TRHDE: variants seen among roughly 807,000 people sequenced by gnomAD.
TRHDE encodes thyrotropin releasing hormone degrading enzyme, also known as thyrotropin-releasing hormone-degrading ectoenzyme.
A neutral mutation model predicts 125.7 loss-of-function variants in TRHDE; 72 were observed. That is an observed-to-expected ratio of 0.57 (90% confidence interval 0.47 to 0.70). The LOEUF is 0.70. TRHDE is among the 30% of genes least tolerant of loss of function. The pLI is 0.00. For missense variants in TRHDE, 1,110 were observed against 1,327.1 expected (o/e 0.84, Z 2.54); for synonymous variants, 509 against 509.1 (o/e 1.00, Z 0.00).
intron 2 of TRHDE, among the ~76,000 whole-genome samples, chr12:72,342,592 A>G (rs1318752348): frequency 1.3e-5 from 2 of 152,166 alleles, no homozygotes; most frequent in African/African-American, 4.8e-5. Context: ...GAGGTAAGCA[A>G]TGAATAAAGA....
chr12:72,111,997 A>AAAAAATT (rs1875327025), intron 2 of TRHDE, among the ~76,000 whole-genome samples: 1 of 152,144 alleles, frequency 6.6e-6, no homozygotes, highest in Admixed American at 6.6e-5. Context: ...GTATAAAGAA[A>AAAAAATT]AAAAATTAAG....
intron 2 of TRHDE, among the ~76,000 whole-genome samples, chr12:72,361,658 C>T (rs2135752186): frequency 6.7e-6 from 1 of 149,834 alleles, no homozygotes; most frequent in East Asian, 2.0e-4. Context: ...GTGTGCTGCA[C>T]CCATTAACTC....
intron 12 of TRHDE, among the ~76,000 whole-genome samples, chr12:72,586,190 C>T (rs1415297103): frequency 6.6e-6 from 1 of 152,096 alleles, no homozygotes; most frequent in Admixed American, 6.5e-5. Flanking sequence ...CATTATTTTA[C>T]ACTAGTCATA....
At chr12:72,155,465 G>A (rs939757217) in intron 2 of TRHDE, among the ~76,000 whole-genome samples, 16 of 152,092 alleles carry the variant, frequency 1.1e-4, no homozygotes, top group Non-Finnish European at 1.9e-4. Context: ...GAGGAGAGGC[G>A]CTCTGATTTT....
At chr12:72,391,369 T>C (rs892399957) in intron 3 of TRHDE, among the ~76,000 whole-genome samples, 13 of 152,320 alleles carry the variant, frequency 8.5e-5, no homozygotes, top group Admixed American at 2.0e-4. Flanking sequence ...TAGTCGTAAA[T>C]GAAGCCTTCA....
intron 7 of TRHDE, among the ~76,000 whole-genome samples, chr12:72,559,109 A>T (rs534491600): frequency 6.6e-5 from 10 of 152,296 alleles, no homozygotes; most frequent in African/African-American, 2.4e-4. Context: ...TACGGTTTTC[A>T]TGTGCTGTGC....
chr12:72,222,401 C>T lies in TRHDE; in HGVS notation n.279+116649C>T, dbSNP rs183559699. Among the ~76,000 whole-genome samples the T allele has an allele frequency of 2.7e-3, 410 of 152,194 alleles. 1 individual carries two copies. Among genetic ancestry groups the T allele is most frequent in the Non-Finnish European group, 4.8e-3 (324 of 67,992 alleles). ...CTTGGATATATCTGAGGGAAAGTCT[C>T]CTCATCTCTCTGCACTGATAACTGG... On this transcript the variant is annotated intron_variant and non_coding_transcript_variant, in intron 2 of 4. Coordinates refer to the TRHDE transcript ENST00000548156.
intron 6 of TRHDE, among the ~76,000 whole-genome samples, chr12:72,533,727 T>G (rs1177609478): frequency 6.6e-6 from 1 of 150,758 alleles, no homozygotes; most frequent in Non-Finnish European, 1.5e-5. Flanking sequence ...CTATTTGTTT[T>G]TTTTTTTTTT....
chr12:72,651,844 G>C (rs1874518783), intron 15 of TRHDE, among the ~76,000 whole-genome samples: 1 of 151,850 alleles, frequency 6.6e-6, no homozygotes, highest in Non-Finnish European at 1.5e-5. Flanking sequence ...AAAATTTGGA[G>C]AGTTGCTTGA....
chr12:72,388,582 T>A (rs1872520576), intron 3 of TRHDE, among the ~76,000 whole-genome samples: 1 of 152,318 alleles, frequency 6.6e-6, no homozygotes, highest in Non-Finnish European at 1.5e-5. Context: ...CTTCAGCTGC[T>A]GTGTAAATAA....
intron 12 of TRHDE, among the ~76,000 whole-genome samples, chr12:72,594,884 C>A (rs1326038505): frequency 2.0e-5 from 3 of 151,688 alleles, no homozygotes; most frequent in Non-Finnish European, 4.4e-5. Context: ...CAATGATAGA[C>A]TGGATTAAGA....
At chr12:72,390,777 C>T (rs1259185411) in intron 3 of TRHDE, among the ~76,000 whole-genome samples, 1 of 152,130 alleles carries the variant, frequency 6.6e-6, no homozygotes, top group Non-Finnish European at 1.5e-5. Flanking sequence ...GGACATCACT[C>T]CTTTACATTT....
chr12:72,138,410 A>G (rs1592454838), intron 2 of TRHDE, among the ~76,000 whole-genome samples: 1 of 152,230 alleles, frequency 6.6e-6, no homozygotes, highest in East Asian at 1.9e-4. Context: ...CCAAAACAAA[A>G]CAAAGCAACA....
chr12:72,245,826 G>T (rs1016765236), intron 2 of TRHDE, among the ~76,000 whole-genome samples: 3 of 151,542 alleles, frequency 2.0e-5, no homozygotes, highest in Non-Finnish European at 4.4e-5. Context: ...CTCTACCCAG[G>T]AAATTATTTA....
In TRHDE at chr12:72,669,177, G is replaced by T. The variant is rs900696743; in HGVS notation, c.*5982G>T. 1 of 151,578 alleles carries T rather than the reference G, an allele frequency of 6.6e-6. No homozygotes were observed. 9.4% of individuals were successfully genotyped at this position (151,578 alleles called of 1,614,324 possible). On this transcript the variant is annotated 3_prime_UTR_variant, in exon 19 of 19. Transcript: ENST00000261180. ...ACAGAATAAATTGCAAAGGTTTTAC[G>T]AGTGGACCACAAAGTTAAGGTTAAA...
Position 72,156,152 on chromosome 12 carries a change from C to T in TRHDE, n.279+50400C>T, listed in dbSNP as rs765021331. On this transcript the variant is annotated intron_variant and non_coding_transcript_variant, in intron 2 of 4. Transcript: ENST00000548156. Reference sequence around the variant, plus strand: ...TCCAGTTTGATCTCAGACTGCTGTGCTAGCAATAAGCAAGGCTCCATGGGC... The same window carrying T: ...TCCAGTTTGATCTCAGACTGCTGTGTTAGCAATAAGCAAGGCTCCATGGGC... Among the ~76,000 whole-genome samples, 7 of 152,280 alleles carry T rather than the reference C, an allele frequency of 4.6e-5. No homozygotes were observed. In the South Asian group the frequency reaches 1.4e-3, roughly 32 times the overall value.
At chr12:72,619,449 C>A (rs537514959) in intron 13 of TRHDE, among the ~76,000 whole-genome samples, 42 of 152,094 alleles carry the variant, frequency 2.8e-4, no homozygotes, top group Non-Finnish European at 6.0e-4. Flanking sequence ...ATACTGAATT[C>A]AATTCACTGC....
rs191155485 is a variant in TRHDE, at chr12:72,587,326, A to G, written c.2321+11784A>G. 2.6e-3 allele frequency among the ~76,000 whole-genome samples: 389 copies of G among 152,160 alleles called. 2 individuals are homozygous for G. The highest frequency in any genetic ancestry group is 9.0e-3 in the African/African-American group (375 of 41,518). ...AGATTATCAGTTTTTTTAAGTATGG[A>G]GAGTTGAGAAATGCTTAGGAAAATT... On this transcript the variant is annotated intron_variant, in intron 12 of 18. Transcript: ENST00000261180.
chr12:72,535,420 A>C (rs925991008), intron 6 of TRHDE, among the ~76,000 whole-genome samples: 3 of 152,220 alleles, frequency 2.0e-5, no homozygotes, highest in Admixed American at 1.3e-4. Context: ...TAATTCAGCT[A>C]TGCAGAGGTA....
Sources: gnomAD v4.1 joint callset for allele counts (sites outside exome capture counted in the v4.1 genomes callset) on GRCh38, gnomAD v4.1.1 for gene constraint, MANE v1.5 for transcripts, NCBI Gene and HGNC (gene_info 2026-07-23, HGNC 2026-07-21) for gene names.